SLC18A1: variants seen among roughly 807,000 people sequenced by gnomAD.
SLC18A1 encodes the protein solute carrier family 18 member A1.
Under a neutral mutation model 53.7 loss-of-function variants are expected in SLC18A1, and 69 were observed. The ratio of observed to expected loss-of-function variants is 1.28; its 90% confidence interval spans 1.06 to 1.57. SLC18A1 has a LOEUF of 1.57. Ranked by LOEUF, SLC18A1 falls within the 40% of genes most tolerant of loss-of-function variation. The probability of loss-of-function intolerance (pLI) is 0.00; values close to 1 mark genes in which losing one functional copy is unlikely to be tolerated. For missense variants in SLC18A1, 932 were observed against 668.1 expected (o/e 1.40, Z -4.35); for synonymous variants, 320 against 248.1 (o/e 1.29, Z -2.72).
At chr8:20,170,466 C>G (rs1373992084) in intron 8 of SLC18A1, among the ~76,000 whole-genome samples, 5 of 152,144 alleles carry the variant, frequency 3.3e-5, no homozygotes, top group South Asian at 4.1e-4. Flanking sequence ...AATGCAAAGT[C>G]AAGGCCTTTA....
At chr8:20,150,108 T>A (rs566135526) in intron 11 of SLC18A1, among the ~76,000 whole-genome samples, 21 of 152,290 alleles carry the variant, frequency 1.4e-4, no homozygotes, top group Admixed American at 1.2e-3. Flanking sequence ...GAGGTCTGTC[T>A]CAAAAAACAC....
intron 10 of SLC18A1, 22 bp downstream of exon 10, chr8:20,164,847 C>A: frequency 1.9e-6 from 3 of 1,577,160 alleles, no homozygotes; most frequent in Non-Finnish European, 2.6e-6. Flanking sequence ...AGGCCCTGAG[C>A]GGGGGTGCTG....
chr8:20,149,573 T>G, intron 12 of SLC18A1, 103 bp downstream of exon 12: 1 of 806,538 alleles, frequency 1.2e-6, no homozygotes, highest in Non-Finnish European at 1.9e-6. Flanking sequence ...TCTGTGTCTT[T>G]CTCTCTCTCT....
At position 20,145,150 on chromosome 8, in the gene SLC18A1, C is replaced by A. The variant is rs929187444; in HGVS notation, c.*613G>T. 2 of 151,816 alleles carry A rather than the reference C, an allele frequency of 1.3e-5. No individual in the cohort carries two copies. The highest frequency in any genetic ancestry group is 4.8e-5 in the African/African-American group (2 of 41,286). The allele number at this position is 151,816 out of a possible 1,614,324, so 9.4% of individuals were successfully genotyped here. ...GATAATGAAAATAGAAGACACTTTT[C>A]ACTGAGGGTAAAGCCCTTTTAGCAG... On this transcript the variant is annotated 3_prime_UTR_variant, in exon 16 of 16. Transcript: ENST00000276373.
intron 1 of SLC18A1, among the ~76,000 whole-genome samples, chr8:20,182,614 T>C (rs116621207): frequency 0.022 from 3,352 of 152,344 alleles, 144 homozygotes; most frequent in African/African-American, 0.077. Context: ...TGAAATTCAA[T>C]AGTCAGCCTC....
At chr8:20,151,674 T>C (rs1255349186) in intron 10 of SLC18A1, among the ~76,000 whole-genome samples, 1 of 152,194 alleles carries the variant, frequency 6.6e-6, no homozygotes, top group African/African-American at 2.4e-5. Context: ...TAGAGGGAAG[T>C]GTTCAGGAAA....
intron 3 of SLC18A1, among the ~76,000 whole-genome samples, chr8:20,178,866 G>C (rs1018177197): frequency 1.3e-5 from 2 of 152,148 alleles, no homozygotes; most frequent in Non-Finnish European, 2.9e-5. Context: ...GTCACTGATA[G>C]AACATCACAG....
chr8:20,169,553 GTAA>G (rs967857455), intron 8 of SLC18A1, among the ~76,000 whole-genome samples: 3 of 152,038 alleles, frequency 2.0e-5, no homozygotes, highest in Non-Finnish European at 4.4e-5. Flanking sequence ...CAAAACATTA[GTAA>G]TAATAATAAT....
At chr8:20,173,268 C>T (rs563407624) in intron 5 of SLC18A1, 140 bp from the exon 6 acceptor site, 22 of 655,228 alleles carry the variant, frequency 3.4e-5, no homozygotes, top group South Asian at 3.3e-4. Flanking sequence ...AAACTTAACC[C>T]GTAGTATTTT....
intron 8 of SLC18A1, among the ~76,000 whole-genome samples, chr8:20,169,719 A>G (rs2072062124): frequency 6.6e-6 from 1 of 152,088 alleles, no homozygotes; most frequent in East Asian, 1.9e-4. Flanking sequence ...TCTCTACTAA[A>G]AACATAAAAA....
intron 4 of SLC18A1, among the ~76,000 whole-genome samples, chr8:20,177,391 A>G (rs2072277935): frequency 6.6e-6 from 1 of 152,190 alleles, no homozygotes; most frequent in African/African-American, 2.4e-5. Context: ...ACAGAAAGGT[A>G]ATAAGAAAAA....
In SLC18A1 at chr8:20,171,503, G is replaced by A; in HGVS notation, c.725-9C>T. On this transcript the variant is annotated splice_polypyrimidine_tract_variant and intron_variant, in intron 6 of 15. Transcript: ENST00000276373. ...TCCAAAGGGAGCTCCCACTGGAGAG[G>A]CATAGGAGACACAGATTCCAGAGGT... is the stretch of plus-strand genomic sequence containing the variant. 1.2e-6 allele frequency: 2 copies of A among 1,607,752 alleles called. No homozygotes were observed. Among genetic ancestry groups the A allele is most frequent in the Non-Finnish European group, 1.7e-6 (2 of 1,174,310 alleles).
chr8:20,161,689 G>C (rs1173320015), intron 10 of SLC18A1, among the ~76,000 whole-genome samples: 1 of 152,174 alleles, frequency 6.6e-6, no homozygotes, highest in Non-Finnish European at 1.5e-5. Flanking sequence ...AGAAGAAAGG[G>C]GTAACAGGTC....
intron 8 of SLC18A1, among the ~76,000 whole-genome samples, chr8:20,169,834 G>A (rs1053641072): frequency 3.3e-5 from 5 of 152,142 alleles, no homozygotes; most frequent in Non-Finnish European, 5.9e-5. Context: ...AGCCGAGATC[G>A]CCCCACTGTA....
At chr8:20,146,710 G>T (rs766690278) in intron 15 of SLC18A1, among the ~76,000 whole-genome samples, 3 of 151,966 alleles carry the variant, frequency 2.0e-5, no homozygotes, top group Non-Finnish European at 2.9e-5. Flanking sequence ...TGTAATCCCA[G>T]CTACTTGGGA....
chr8:20,181,590 T>A (rs985988433), intron 1 of SLC18A1, among the ~76,000 whole-genome samples: 13 of 152,270 alleles, frequency 8.5e-5, no homozygotes, highest in Admixed American at 2.0e-4. Context: ...TCTCAAAAAA[T>A]TTTTAAAACC....
At chr8:20,174,501 G>A (rs2072208822) in intron 4 of SLC18A1, 57 bp from the exon 5 acceptor site, 1 of 1,190,696 alleles carries the variant, frequency 8.4e-7, no homozygotes, top group Non-Finnish European at 1.3e-6. Flanking sequence ...TGCTTCCCCA[G>A]CCGCCAGAGA....
chr8:20,156,694 T>TC (rs1482637913), intron 10 of SLC18A1, among the ~76,000 whole-genome samples: 2 of 152,182 alleles, frequency 1.3e-5, no homozygotes, highest in Non-Finnish European at 2.9e-5. Context: ...AGGATCCATC[T>TC]CTCATATTTC....
At chr8:20,174,339 C>T (rs375831192) in intron 5 of SLC18A1, 22 bp downstream of exon 5, 389 of 1,540,152 alleles carry the variant, frequency 2.5e-4, no homozygotes, top group Admixed American at 3.2e-4. Context: ...TGTGTGTGTG[C>T]ATGATGAGTT....
Sources: allele counts gnomAD v4.1 joint callset (sites outside exome capture counted in the v4.1 genomes callset), GRCh38; gene constraint gnomAD v4.1.1; transcripts MANE v1.5; gene names NCBI Gene and HGNC (gene_info 2026-07-23, HGNC 2026-07-21).